The following SNTG1 variants were observed in gnomAD, a reference collection of about 807,000 sequenced individuals.
The protein encoded by SNTG1 is gamma-1-syntrophin.
SNTG1 carries 39 observed loss-of-function variants against 74.7 expected under a neutral mutation model. The observed-to-expected ratio is 0.52, with a 90% CI of 0.40 to 0.68. SNTG1 has a LOEUF of 0.68. Ranked by LOEUF, SNTG1 falls within the 30% of genes least tolerant of loss-of-function variation. The pLI is 0.00. For missense variants in SNTG1, 685 were observed against 609.5 expected (o/e 1.12, Z -1.30); for synonymous variants, 254 against 217.1 (o/e 1.17, Z -1.49).
At chr8:50,250,106 A>G (rs999018416) in intron 2 of SNTG1, among the ~76,000 whole-genome samples, 2 of 151,954 alleles carry the variant, frequency 1.3e-5, no homozygotes, top group African/African-American at 4.8e-5. Flanking sequence ...TGAACGAAAA[A>G]TGTAATAAAG....
chr8:50,661,805 A>G (rs956148928), intron 15 of SNTG1, among the ~76,000 whole-genome samples: 1 of 152,146 alleles, frequency 6.6e-6, no homozygotes, highest in Non-Finnish European at 1.5e-5. Flanking sequence ...CATCAAATAC[A>G]ATGTAAATCT....
At chr8:50,360,406 G>GA (rs1253778410) in intron 2 of SNTG1, among the ~76,000 whole-genome samples, 1 of 152,126 alleles carries the variant, frequency 6.6e-6, no homozygotes, top group Non-Finnish European at 1.5e-5. Context: ...TTGTCTTGGG[G>GA]AACTGTAGTT....
chr8:50,025,416 C>T (rs1193187222), intron 1 of SNTG1, among the ~76,000 whole-genome samples: 1 of 152,128 alleles, frequency 6.6e-6, no homozygotes, highest in Non-Finnish European at 1.5e-5. Context: ...TAAATTCACC[C>T]TTCCAAAAAT....
chr8:50,540,045 A>G (rs1445506309), intron 11 of SNTG1, among the ~76,000 whole-genome samples: 6 of 152,100 alleles, frequency 3.9e-5, no homozygotes, highest in African/African-American at 7.2e-5. Flanking sequence ...TTATCCCTGA[A>G]TTTGAAGTCC....
At position 50,590,075 on chromosome 8, in the gene SNTG1, G is replaced by A. The variant is rs190588240; in HGVS notation, c.811-804G>A. On this transcript the variant is annotated intron_variant, in intron 12 of 18. Transcript: ENST00000642720. Reference sequence around the variant, plus strand: ...TTAAATGAACTGTTATTTCACACTAGTCAGTAGGATAAAAGGGAACCAAAA... The same window carrying A: ...TTAAATGAACTGTTATTTCACACTAATCAGTAGGATAAAAGGGAACCAAAA... 3.9e-3 allele frequency among the ~76,000 whole-genome samples: 591 copies of A among 152,114 alleles called. 5 individuals carry two copies. The highest frequency in any genetic ancestry group is 0.01 in the Middle Eastern group (3 of 294).
intron 17 of SNTG1, among the ~76,000 whole-genome samples, chr8:50,716,053 G>A (rs1585624925): frequency 6.6e-6 from 1 of 152,042 alleles, no homozygotes; most frequent in African/African-American, 2.4e-5. Flanking sequence ...CTGAGCTACT[G>A]TTTCTCCCAA....
At chr8:50,707,389 T>C (rs968829270) in intron 16 of SNTG1, among the ~76,000 whole-genome samples, 3 of 152,132 alleles carry the variant, frequency 2.0e-5, no homozygotes, top group African/African-American at 4.8e-5. Flanking sequence ...ACAATGCTTA[T>C]GTATTAAACA....
At chr8:50,745,992 A>G (rs2095554269) in intron 17 of SNTG1, among the ~76,000 whole-genome samples, 1 of 152,002 alleles carries the variant, frequency 6.6e-6, no homozygotes, top group Non-Finnish European at 1.5e-5. Context: ...ACATTCTTCA[A>G]TCATACATGT....
At chr8:50,586,623 GAC>G (rs2094649974) in intron 12 of SNTG1, among the ~76,000 whole-genome samples, 1 of 146,946 alleles carries the variant, frequency 6.8e-6, no homozygotes, top group South Asian at 2.2e-4. Context: ...AGTAAATAAT[GAC>G]ATTCTCTCCT....
intron 1 of SNTG1, among the ~76,000 whole-genome samples, chr8:50,112,902 T>C (rs1485811964): frequency 1.3e-5 from 2 of 152,190 alleles, no homozygotes; most frequent in Admixed American, 1.3e-4. Context: ...CAGATAGTTG[T>C]AAATGTGGGG....
intron 8 of SNTG1, among the ~76,000 whole-genome samples, chr8:50,467,324 A>T (rs1329408665): frequency 6.6e-6 from 1 of 151,882 alleles, no homozygotes; most frequent in Non-Finnish European, 1.5e-5. Flanking sequence ...GTTATTATTT[A>T]TTCGTTAAAT....
intron 1 of SNTG1, among the ~76,000 whole-genome samples, chr8:50,131,304 A>AT (rs557487579): frequency 6.6e-6 from 1 of 152,036 alleles, no homozygotes; most frequent in South Asian, 2.1e-4. Context: ...TATTTCTTGA[A>AT]TTTTTTTGCA....
At chr8:50,163,589 G>C (rs2082504688) in intron 1 of SNTG1, 1 of 151,260 alleles carries the variant, frequency 6.6e-6, no homozygotes, top group Non-Finnish European at 1.5e-5. Context: ...TGATTCTCCT[G>C]CCACAGCCTC....
intron 1 of SNTG1, among the ~76,000 whole-genome samples, chr8:50,158,218 A>G (rs1165673861): frequency 6.6e-6 from 1 of 152,174 alleles, no homozygotes; most frequent in Non-Finnish European, 1.5e-5. Flanking sequence ...AGCTTTCTTG[A>G]TATTTTAATG....
intron 2 of SNTG1, among the ~76,000 whole-genome samples, chr8:50,235,258 C>CT (rs1230295647): frequency 6.6e-6 from 1 of 152,018 alleles, no homozygotes; most frequent in Admixed American, 6.6e-5. Flanking sequence ...GAATACTACT[C>CT]TGTCATAAAA....
In SNTG1 at chr8:50,781,776, G is replaced by A. The variant is rs546057397; in HGVS notation, c.1396-10895G>A. Reference sequence around the variant, plus strand: ...TGTTAGCTGGTTATTGTGCGCGTTCGTTGATGCAGTTTCTTCCTAGCCTTG... The same window carrying A: ...TGTTAGCTGGTTATTGTGCGCGTTCATTGATGCAGTTTCTTCCTAGCCTTG... On this transcript the variant is annotated intron_variant, in intron 18 of 18. Coordinates refer to ENST00000642720, the MANE Select transcript of SNTG1 (RefSeq NM_018967.5). Among the ~76,000 whole-genome samples, 16 of 152,238 alleles carry A rather than the reference G, an allele frequency of 1.1e-4. 1 individual carries two copies. Among genetic ancestry groups the A allele is most frequent in the Admixed American group, 5.9e-4 (9 of 15,288 alleles).
chr8:50,535,906 T>C (rs990008945), intron 10 of SNTG1, among the ~76,000 whole-genome samples: 5 of 152,152 alleles, frequency 3.3e-5, no homozygotes, highest in African/African-American at 1.2e-4. Context: ...CCAATTTAAA[T>C]ATTAATATTA....
chr8:50,708,808 C>A, intron 16 of SNTG1, 78 bp from the exon 17 acceptor site: 2 of 865,820 alleles, frequency 2.3e-6, no homozygotes, highest in South Asian at 1.6e-5. Context: ...GTACTTATTG[C>A]AGAAGCTGTA....
chr8:50,014,655 C>T (rs1816140484), intron 1 of SNTG1, among the ~76,000 whole-genome samples: 1 of 152,088 alleles, frequency 6.6e-6, no homozygotes, highest in African/African-American at 2.4e-5. Context: ...ACATACAGAT[C>T]CCCACGGCAA....
Sources: allele counts gnomAD v4.1 joint callset (sites outside exome capture counted in the v4.1 genomes callset), GRCh38; gene constraint gnomAD v4.1.1; transcripts MANE v1.5; gene names NCBI Gene and HGNC (gene_info 2026-07-23, HGNC 2026-07-21).